SDHA: variants seen among roughly 807,000 people sequenced by gnomAD.
SDHA encodes the protein succinate dehydrogenase [ubiquinone] flavoprotein subunit, mitochondrial.
SDHA carries 48 observed loss-of-function variants against 78.4 expected under a neutral mutation model. The ratio of observed to expected loss-of-function variants is 0.61; its 90% CI spans 0.49 to 0.78. The LOEUF is 0.78. Ranked by LOEUF, SDHA falls within the 30% of genes least tolerant of loss-of-function variation. The probability of loss-of-function intolerance (pLI) is 0.00; values close to 1 mark genes in which losing one functional copy is unlikely to be tolerated. For missense variants in SDHA, 680 were observed against 892.7 expected (o/e 0.76, Z 3.04); for synonymous variants, 326 against 353.9 (o/e 0.92, Z 0.88).
rs1205748459 is a variant in SDHA at position 228,265 on chromosome 5, C to T, written c.702C>T (p.Val234=). 6.8e-6 allele frequency: 11 copies of T among 1,613,642 alleles called. No individual in the cohort carries two copies. Among genetic ancestry groups the T allele is most frequent in the Non-Finnish European group, 9.3e-6 (11 of 1,179,794 alleles). The change falls in exon 6 of 15, where the codon GTC becomes GTT. Residue 234 remains valine (V), a synonymous_variant. Coordinates refer to ENST00000264932, the MANE Select transcript of SDHA (RefSeq NM_004168.4). The stretch of plus-strand genomic sequence containing the variant: ...TGGAGAATGGGGAGTGCCGTGGTGT[C>T]ATCGCACTGTGCATAGAGGACGGGT... The part of the protein sequence containing the change: ...LLMENGECRG[V]IALCIEDGSI...
In SDHA at chr5:237,199, A is replaced by G. The variant is rs1477063800; in HGVS notation, c.1432+600A>G. Among the ~76,000 whole-genome samples, 3 of 135,160 alleles carry G rather than the reference A, an allele frequency of 2.2e-5. 1 individual carries two copies. Among genetic ancestry groups the G allele is most frequent in the African/African-American group, 1.1e-4 (3 of 28,042 alleles). 88.7% of individuals were successfully genotyped at this position (135,160 alleles called of 152,430 possible). On this transcript the variant is annotated intron_variant, in intron 10 of 14. Transcript: ENST00000264932. ...GCACTATTAGAAAGTTGTTATTTTT[A>G]GGGGAATCATTACATATTACTTGCC... is the stretch of plus-strand genomic sequence containing the variant.
intron 13 of SDHA, among the ~76,000 whole-genome samples, chr5:254,052 T>G (rs1333770442): frequency 1.3e-5 from 2 of 149,204 alleles, no homozygotes; most frequent in Non-Finnish European, 3.0e-5. Flanking sequence ...AAAAAAAAAT[T>G]TTTTTTTAAT....
rs1735547863 is a variant in SDHA at position 233,507 on chromosome 5, A to G, written c.926A>G (p.Glu309Gly). 6.2e-7 allele frequency: 1 copy of G among 1,614,194 alleles called. No individual in the cohort carries two copies. The highest frequency in any genetic ancestry group is 8.5e-7 in the Non-Finnish European group (1 of 1,180,022). Residue 309 changes from glutamate (E) to glycine (G), a missense_variant, in exon 8 of 15, where the codon GAA becomes GGA. Transcript: ENST00000264932. ...TATGGTGCTGGTTGTCTCATTACGG[A>G]AGGATGTCGTGGAGAGGGAGGCATT... is the stretch of plus-strand genomic sequence containing the variant. The part of the protein sequence containing the change: ...GIYGAGCLIT[E>G]GCRGEGGILI...
intron 5 of SDHA, chr5:227,707 C>T (rs1220770655): frequency 1.3e-5 from 3 of 231,662 alleles, no homozygotes; most frequent in South Asian, 5.9e-5. Flanking sequence ...CGTCTGCAAC[C>T]GTCCGCTTTG....
chr5:258,374 C>T (rs1255745458), downstream of SDHA, among the ~76,000 whole-genome samples: 2 of 119,890 alleles, frequency 1.7e-5, 1 homozygote, highest in Non-Finnish European at 3.2e-5. Context: ...CAGAGCCTTA[C>T]CGTGAGCTCC....
chr5:233,829 T>A, intron 8 of SDHA, 184 bp downstream of exon 8: 1 of 591,820 alleles, frequency 1.7e-6, no homozygotes, highest in Non-Finnish European at 3.0e-6. Context: ...TTTGAAAATT[T>A]TAGCCAGTTT....
At position 218,323 on chromosome 5, in the gene SDHA, G is replaced by C; in HGVS notation, c.-33G>C. 1 of 1,442,784 alleles carries C rather than the reference G, an allele frequency of 6.9e-7. No individual in the cohort carries two copies. The highest frequency in any genetic ancestry group is 9.0e-7 in the Non-Finnish European group (1 of 1,106,374). 89.4% of individuals were successfully genotyped at this position (1,442,784 alleles called of 1,614,324 possible). A position where few individuals can be genotyped will look rare whatever the true frequency, so the allele number is the denominator to read the frequency against. Reference sequence around the variant, plus strand: ...GGTGCGCAGGCGCAGTCTGCGCAGGGACTGGCGGGACTGCGCGGCGGCAAC... The same window carrying C: ...GGTGCGCAGGCGCAGTCTGCGCAGGCACTGGCGGGACTGCGCGGCGGCAAC... On this transcript the variant is annotated 5_prime_UTR_variant, in exon 1 of 15. Transcript: ENST00000264932.
At chr5:233,383 C>T in intron 7 of SDHA, 94 bp from the exon 8 acceptor site, 1 of 1,360,484 alleles carries the variant, frequency 7.4e-7, no homozygotes, top group Non-Finnish European at 1.0e-6. Context: ...TTATCTTTTT[C>T]CTCTTTCCCC....
At chr5:236,008 A>G (rs1735751901) in intron 9 of SDHA, 1 of 290,620 alleles carries the variant, frequency 3.4e-6, no homozygotes, top group Non-Finnish European at 6.8e-6. Flanking sequence ...TCCCTCTTAG[A>G]TACGGTCTTT....
chr5:223,418 T>TC lies in SDHA; in HGVS notation c.64-59dup, dbSNP rs958524946. On this transcript the variant is annotated intron_variant, in intron 1 of 14. Coordinates refer to ENST00000264932, the MANE Select transcript of SDHA (RefSeq NM_004168.4). ...AACAGTTTGCAAGGGGAAATTACTA[T>TC]CCCCCACAGCATTTGTTCCTTCAGG... 1.1e-5 allele frequency: 13 copies of TC among 1,156,416 alleles called. No individual in the cohort carries two copies. In the African/African-American group the frequency reaches 2.0e-4, roughly 18 times the overall value. 71.6% of individuals were successfully genotyped at this position (1,156,416 alleles called of 1,614,324 possible).
At chr5:234,563 T>A (rs1189928127) in intron 8 of SDHA, 1 of 96,064 alleles carries the variant, frequency 1.0e-5, no homozygotes, top group African/African-American at 1.1e-4. Context: ...ATATGCAGAC[T>A]TTTTTTCCTT....
intron 11 of SDHA, among the ~76,000 whole-genome samples, chr5:244,505 T>C (rs62344291): frequency 0.24 from 36,402 of 151,622 alleles, 6,775 homozygotes; most frequent in African/African-American, 0.52. Flanking sequence ...CAAAAGGATA[T>C]GGAAGCACAG....
intron 13 of SDHA, among the ~76,000 whole-genome samples, chr5:252,804 C>T (rs550807460): frequency 6.6e-5 from 10 of 151,010 alleles, no homozygotes; most frequent in African/African-American, 9.8e-5. Flanking sequence ...AGTAAGCCAC[C>T]GTTTCAGACC....
chr5:257,442 G>A (rs1737271618), downstream of SDHA, among the ~76,000 whole-genome samples: 1 of 147,806 alleles, frequency 6.8e-6, no homozygotes, highest in South Asian at 2.1e-4. Context: ...GCATTACCGT[G>A]TGAGCTCCGC....
At chr5:231,272 G>A (rs1162286489) in intron 7 of SDHA, among the ~76,000 whole-genome samples, 1 of 152,022 alleles carries the variant, frequency 6.6e-6, no homozygotes, top group South Asian at 2.1e-4. Context: ...GTAAAGCAGG[G>A]ATTGAGGCCG....
At chr5:262,300 G>A in the SDHA span, among the ~76,000 whole-genome samples, 2 of 108,346 alleles carry the variant, frequency 1.8e-5, no homozygotes, top group Admixed American at 2.0e-4. Context: ...GAGCATTACC[G>A]TGTGAGCTCC....
chr5:234,744 C>T (rs1369808636), intron 8 of SDHA: 2 of 303,326 alleles, frequency 6.6e-6, no homozygotes, highest in Non-Finnish European at 1.3e-5. Flanking sequence ...AATACTCTCC[C>T]ATTTTATATT....
At chr5:249,779 C>T (rs1384406843) in intron 11 of SDHA, 11 of 152,194 alleles carry the variant, frequency 7.2e-5, no homozygotes, top group Non-Finnish European at 1.6e-4. Context: ...GTCTCCACAA[C>T]CGAGCTGGTC....
Position 240,381 on chromosome 5 carries a change from C to A in SDHA, c.1456C>A (p.Pro486Thr), listed in dbSNP as rs1060503706. 4.4e-6 allele frequency: 7 copies of A among 1,607,540 alleles called. No homozygotes were observed. Among genetic ancestry groups the A allele is most frequent in the Admixed American group, 3.3e-5 (2 of 59,958 alleles). Residue 486 changes from proline (P) to threonine (T), a missense_variant, in exon 11 of 15, where the codon CCA (proline) becomes ACA (threonine). Pro to Thr is a conservative substitution (Grantham distance 38). Coordinates refer to ENST00000264932, the MANE Select transcript of SDHA (RefSeq NM_004168.4). ...AGGAGATAAAGTCCCTCCAATTAAACCAAACGCTGGGGAAGAATCTGTCAT... is the reference window on the plus strand; with the variant it reads ...AGGAGATAAAGTCCCTCCAATTAAAACAAACGCTGGGGAAGAATCTGTCAT... ...RPGDKVPPIK[P>T]NAGEESVMNL...
Sources: gnomAD v4.1 joint callset for allele counts (sites outside exome capture counted in the v4.1 genomes callset) on GRCh38, gnomAD v4.1.1 for gene constraint, MANE v1.5 for transcripts, NCBI Gene and HGNC (gene_info 2026-07-23, HGNC 2026-07-21) for gene names.